RANBP2: variants seen among roughly 807,000 people sequenced by gnomAD.
The protein encoded by RANBP2 is E3 SUMO-protein ligase RanBP2.
RANBP2 carries 57 observed loss-of-function variants against 303.6 expected under a neutral mutation model. The observed-to-expected ratio is 0.19, with a 90% CI of 0.15 to 0.23. The LOEUF (loss-of-function observed/expected upper bound fraction) is 0.23, where lower values mean the gene tolerates loss of function less well. Ranked by LOEUF, RANBP2 falls within the 10% of genes least tolerant of loss-of-function variation. The pLI is 1.00. For synonymous variants in RANBP2, 1,167 were observed against 1,301.5 expected (o/e 0.90, Z 2.23); for missense variants, 3,138 against 3,780.8 (o/e 0.83, Z 4.46).
rs1283722442 is a variant in RANBP2, at chr2:108,767,455, G to A, written c.6916G>A (p.Asp2306Asn). The change falls in exon 20 of 29, where the codon GAT becomes AAT. Residue 2306 changes from aspartate (D) to asparagine (N), a missense_variant. Asp to Asn is a conservative substitution (Grantham distance 23, BLOSUM62 1). This residue lies in a region of RANBP2 where 92 missense variants were observed against 211.0 expected (regional missense o/e 0.44). Coordinates refer to ENST00000283195, the MANE Select transcript of RANBP2 (RefSeq NM_006267.5). ...TGATGTTACTCAAGAAGAAGAGAGA[G>A]ATGGACAGTACTTTGAACCTGTTGT... The part of the protein sequence containing the change: ...ESDVTQEEER[D>N]GQYFEPVVPL... The A allele has an allele frequency of 1.2e-6, 2 of 1,611,850 alleles. No individual in the cohort carries two copies. Among genetic ancestry groups the A allele is most frequent in the Non-Finnish European group, 1.7e-6 (2 of 1,179,848 alleles).
the RANBP2 span, among the ~76,000 whole-genome samples, chr2:108,927,371 A>G: frequency 2.0e-5 from 3 of 152,224 alleles, no homozygotes; most frequent in Non-Finnish European, 4.4e-5. Flanking sequence ...CTAATTCTGC[A>G]GATGGCTGTC....
At chr2:109,068,573 C>A in the RANBP2 span, among the ~76,000 whole-genome samples, 1 of 152,284 alleles carries the variant, frequency 6.6e-6, no homozygotes, top group African/African-American at 2.4e-5. Context: ...ATCATTATTT[C>A]TCATGGGTTT....
At chr2:108,858,448 G>A in the RANBP2 span, among the ~76,000 whole-genome samples, 1 of 152,176 alleles carries the variant, frequency 6.6e-6, no homozygotes, top group African/African-American at 2.4e-5. Flanking sequence ...GCCGTATTGT[G>A]TTTAGTGATG....
chr2:109,303,642 G>A, the RANBP2 span, among the ~76,000 whole-genome samples: 1 of 152,330 alleles, frequency 6.6e-6, no homozygotes, highest in East Asian at 1.9e-4. Context: ...AACAGAGCCA[G>A]CTGGCAAGTG....
chr2:109,120,468 T>G, the RANBP2 span, among the ~76,000 whole-genome samples: 1 of 152,070 alleles, frequency 6.6e-6, no homozygotes, highest in African/African-American at 2.4e-5. Context: ...AGCCAAGTGC[T>G]CAGCCAGGTT....
At chr2:109,269,949 T>C in the RANBP2 span, among the ~76,000 whole-genome samples, 2 of 152,220 alleles carry the variant, frequency 1.3e-5, no homozygotes, top group African/African-American at 4.8e-5. Flanking sequence ...AAGCTGGTTG[T>C]ACAGAGAATT....
chr2:108,763,171 G>T lies in RANBP2; in HGVS notation c.2698-66G>T, dbSNP rs1676857461. 4 of 1,534,846 alleles carry T rather than the reference G, an allele frequency of 2.6e-6. No homozygotes were observed. In the East Asian group the frequency reaches 9.1e-5, roughly 35 times the overall value. On this transcript the variant is annotated intron_variant, in intron 19 of 28. Transcript: ENST00000283195. ...TCATGTTTGAAGTTTGTGAGAATTG[G>T]TTTGCATTTAGTTATCTGTAGTTTT...
the RANBP2 span, chr2:109,615,400 C>T: frequency 1.9e-6 from 3 of 1,613,060 alleles, no homozygotes; most frequent in South Asian, 2.2e-5. Context: ...ACCGGCTTCA[C>T]TTGCCTGCAC....
chr2:109,214,376 C>T, the RANBP2 span, among the ~76,000 whole-genome samples: 2 of 151,244 alleles, frequency 1.3e-5, no homozygotes, highest in Non-Finnish European at 2.9e-5. Flanking sequence ...GCCGGGGCCA[C>T]GTGTGCTGTG....
chr2:109,574,775 A>G, the RANBP2 span: 59 of 1,560,014 alleles, frequency 3.8e-5, no homozygotes, highest in Admixed American at 2.0e-4. Flanking sequence ...TAGCTGAAAA[A>G]TTATTTAAAT....
chr2:109,001,172 G>T, the RANBP2 span, among the ~76,000 whole-genome samples: 1 of 152,202 alleles, frequency 6.6e-6, no homozygotes, highest in Admixed American at 6.5e-5. Context: ...GGGTGTAAAA[G>T]TAAAGGCACT....
At chr2:109,533,457 T>C in the RANBP2 span, among the ~76,000 whole-genome samples, 1 of 152,184 alleles carries the variant, frequency 6.6e-6, no homozygotes, top group Non-Finnish European at 1.5e-5. Context: ...AGAACATCTA[T>C]CTTCTGGCAG....
At chr2:109,688,399 C>T in the RANBP2 span, among the ~76,000 whole-genome samples, 4 of 152,272 alleles carry the variant, frequency 2.6e-5, no homozygotes, top group South Asian at 2.1e-4. Flanking sequence ...CTCTCAGGAG[C>T]GCGACCCCTG....
At chr2:109,262,019 A>G in the RANBP2 span, among the ~76,000 whole-genome samples, 29 of 152,214 alleles carry the variant, frequency 1.9e-4, no homozygotes, top group Non-Finnish European at 3.1e-4. Context: ...AAGAGTGGCT[A>G]GAGCAGGAGA....
At chr2:108,808,042 A>G in the RANBP2 span, among the ~76,000 whole-genome samples, 6 of 152,196 alleles carry the variant, frequency 3.9e-5, no homozygotes, top group Admixed American at 1.3e-4. Context: ...TTTAGCTTCC[A>G]CATGAGTAAG....
the RANBP2 span, among the ~76,000 whole-genome samples, chr2:109,254,646 G>T: frequency 0.038 from 5,853 of 152,210 alleles, 370 homozygotes; most frequent in African/African-American, 0.13. Context: ...TTTGTCTTCT[G>T]CTGGGTTTCA....
chr2:108,975,760 G>A, the RANBP2 span, among the ~76,000 whole-genome samples: 9 of 152,250 alleles, frequency 5.9e-5, no homozygotes, highest in East Asian at 1.7e-3. Flanking sequence ...CAAGAGAAGG[G>A]TGGCACTGTC....
At chr2:108,955,449 C>A in the RANBP2 span, among the ~76,000 whole-genome samples, 50 of 152,094 alleles carry the variant, frequency 3.3e-4, no homozygotes, top group Non-Finnish European at 1.2e-4. Flanking sequence ...ACATATATAT[C>A]TTCTAAAATG....
At chr2:109,329,590 A>C in the RANBP2 span, among the ~76,000 whole-genome samples, 1 of 152,218 alleles carries the variant, frequency 6.6e-6, no homozygotes, top group Non-Finnish European at 1.5e-5. Flanking sequence ...TGGAAGGCTG[A>C]TGATAAGTCT....
Sources: gnomAD v4.1 joint callset for allele counts (sites outside exome capture counted in the v4.1 genomes callset) on GRCh38, gnomAD v4.1.1 for gene constraint, gnomAD v4.1.1 regional missense constraint, MANE v1.5 for transcripts, NCBI Gene and HGNC (gene_info 2026-07-23, HGNC 2026-07-21) for gene names.